Variants in IRF4 observed in about 807,000 individuals in gnomAD.
IRF4 encodes interferon regulatory factor 4, also known as lymphocyte-specific interferon regulatory factor.
A neutral mutation model predicts 55.5 loss-of-function variants in IRF4; 13 were observed. The observed-to-expected ratio is 0.23, with a 90% CI of 0.15 to 0.37. The LOEUF (loss-of-function observed/expected upper bound fraction) is 0.37. Ranked by LOEUF, IRF4 falls within the 10% of genes least tolerant of loss-of-function variation. The pLI is 1.00. For synonymous variants in IRF4, 249 were observed against 240.7 expected, an observed-to-expected ratio of 1.03 and a Z score of -0.32; for missense variants, 397 against 593.8, an observed-to-expected ratio of 0.67 and a Z score of 3.44.
At chr6:406,867 A>G (rs1286582316) in intron 8 of IRF4, 2 of 1,082,568 alleles carry the variant, frequency 1.8e-6, no homozygotes, top group Admixed American at 5.2e-5. Flanking sequence ...TAAATTCAGG[A>G]AAAGCTGAAC....
chr6:404,135 GAAGCTGTAGC>G lies in IRF4; in HGVS notation c.1100-882_1100-873del, dbSNP rs1761479976. Among the ~76,000 whole-genome samples the G allele has an allele frequency of 2.0e-5, 3 of 152,354 alleles. No individual in the cohort carries two copies. In the South Asian group the frequency reaches 6.2e-4, roughly 32 times the overall value. ...CTGATAAGGACGCGTCTGTTCTGCA[GAAGCTGTAGC>G]GGCTCCTGTGTCAACTCGTTTCTTT... On this transcript the variant is annotated intron_variant, in intron 7 of 8. Coordinates refer to ENST00000380956, the MANE Select transcript of IRF4 (RefSeq NM_002460.4).
In IRF4 at chr6:393,284, C is replaced by T; in HGVS notation, c.132C>T (p.Asn44=). The change falls in exon 2 of 9, where the codon AAC becomes AAT. Residue 44 remains asparagine (N), a synonymous_variant. Coordinates refer to ENST00000380956, the MANE Select transcript of IRF4 (RefSeq NM_002460.4). The surrounding 1 kb of genome is among the most constrained non-coding windows in gnomAD (Gnocchi z 5.4). ...SGKYPGLVWE[N]EEKSIFRIPW... ...AGTACCCCGGGCTGGTGTGGGAGAACGAGGAGAAGAGCATCTTCCGCATCC... is the reference window on the plus strand; with the variant it reads ...AGTACCCCGGGCTGGTGTGGGAGAATGAGGAGAAGAGCATCTTCCGCATCC... 1 of 1,606,038 alleles carries T rather than the reference C, an allele frequency of 6.2e-7. No individual in the cohort carries two copies. Among genetic ancestry groups the T allele is most frequent in the Non-Finnish European group, 8.5e-7 (1 of 1,176,616 alleles).
At chr6:394,187 C>T (rs1459968992) in intron 2 of IRF4, among the ~76,000 whole-genome samples, 1 of 152,216 alleles carries the variant, frequency 6.6e-6, no homozygotes, top group East Asian at 1.9e-4. Context: ...CCAGATGTCT[C>T]CTGTGGGTGA....
In IRF4 at chr6:410,737, C is replaced by T; in HGVS notation, c.*3139C>T. The stretch of plus-strand genomic sequence containing the variant: ...GTGTAAACTTCCGTTCATTGCTCTC[C>T]AGTCACATGCCCCCACTTCCCCACA... On this transcript the variant is annotated 3_prime_UTR_variant, in exon 9 of 9. Coordinates refer to ENST00000380956, the MANE Select transcript of IRF4 (RefSeq NM_002460.4). 1 of 231,758 alleles carries T rather than the reference C, an allele frequency of 4.3e-6. No homozygotes were observed. The highest frequency in any genetic ancestry group is 1.8e-4 in the South Asian group (1 of 5,512). 14.4% of individuals were successfully genotyped at this position (231,758 alleles called of 1,614,324 possible).
At chr6:403,474 C>T (rs1425161724) in intron 7 of IRF4, among the ~76,000 whole-genome samples, 5 of 152,184 alleles carry the variant, frequency 3.3e-5, no homozygotes, top group Admixed American at 1.3e-4. Context: ...TCTTGCTGGG[C>T]GTTTTTAGGG....
intron 7 of IRF4, among the ~76,000 whole-genome samples, chr6:404,121 G>T (rs1005757379): frequency 6.6e-6 from 1 of 152,192 alleles, no homozygotes; most frequent in Admixed American, 6.5e-5. Flanking sequence ...TGATAAGGAC[G>T]CGTCTGTTCT....
intron 6 of IRF4, among the ~76,000 whole-genome samples, chr6:400,091 G>A (rs569028723): frequency 4.2e-4 from 64 of 152,208 alleles, no homozygotes; most frequent in Middle Eastern, 3.4e-3. Flanking sequence ...TCTTTGGGGC[G>A]CACTGTCTGA....
chr6:409,982 T>C lies in IRF4; in HGVS notation c.*2384T>C. 1 of 229,134 alleles carries C rather than the reference T, an allele frequency of 4.4e-6. No homozygotes were observed. Among genetic ancestry groups the C allele is most frequent in the Non-Finnish European group, 8.7e-6 (1 of 115,422 alleles). The allele number at this position is 229,134 out of a possible 1,614,324, so 14.2% of individuals were successfully genotyped here. On this transcript the variant is annotated 3_prime_UTR_variant, in exon 9 of 9. Transcript: ENST00000380956. ...CTACCTCCTTTCCTATCTTTACATCTATGTGTATGTTGACTTTTTAAAATT... is the reference window on the plus strand; with the variant it reads ...CTACCTCCTTTCCTATCTTTACATCCATGTGTATGTTGACTTTTTAAAATT...
intron 5 of IRF4, 120 bp downstream of exon 5, chr6:397,372 T>C (rs1581224714): frequency 1.6e-6 from 2 of 1,228,770 alleles, no homozygotes; most frequent in Admixed American, 4.6e-5. Context: ...AGAGGCTGCG[T>C]GTGCAGCTCG....
At chr6:405,173 T>A in intron 8 of IRF4, 43 bp downstream of exon 8, 1 of 1,060,400 alleles carries the variant, frequency 9.4e-7, no homozygotes, top group Non-Finnish European at 1.5e-6. Flanking sequence ...CTTCCTGTTC[T>A]TTGTAAAGGC....
At chr6:392,444 C>T (rs1441733700) in intron 1 of IRF4, among the ~76,000 whole-genome samples, 3 of 152,216 alleles carry the variant, frequency 2.0e-5, no homozygotes, top group Non-Finnish European at 1.5e-5. Context: ...CCGGCGGACG[C>T]TCTGCGCGCG....
chr6:395,176 A>G (rs1446559378), intron 3 of IRF4, among the ~76,000 whole-genome samples, 169 bp downstream of exon 3: 1 of 151,304 alleles, frequency 6.6e-6, no homozygotes. Context: ...GTGGGTCACA[A>G]GTTGAAATTC....
At position 407,600 on chromosome 6, in the gene IRF4, A is replaced by G; in HGVS notation, c.*2A>G. 1 of 1,593,982 alleles carries G rather than the reference A, an allele frequency of 6.3e-7. No homozygotes were observed. On this transcript the variant is annotated 3_prime_UTR_variant, in exon 9 of 9. Coordinates refer to ENST00000380956, the MANE Select transcript of IRF4 (RefSeq NM_002460.4). ...CGCCATTCCTCTATTCAAGAATGAA[A>G]AATGTCAAGATGAGTGGTTTTCTTT... is the stretch of plus-strand genomic sequence containing the variant.
At position 403,021 on chromosome 6, in the gene IRF4, G is replaced by A. The variant is rs537219741; in HGVS notation, c.1099+1244G>A. On this transcript the variant is annotated intron_variant, in intron 7 of 8. Transcript: ENST00000380956. ...GGTGCTGCAGTTTGCAGGACAGAGCGAGACTCCATTGCCCCCCGCACCACA... is the reference window on the plus strand; with the variant it reads ...GGTGCTGCAGTTTGCAGGACAGAGCAAGACTCCATTGCCCCCCGCACCACA... Among the ~76,000 whole-genome samples, 48 of 152,292 alleles carry A rather than the reference G, an allele frequency of 3.2e-4. 2 individuals are homozygous for A. Among genetic ancestry groups the A allele is most frequent in the Admixed American group, 2.7e-3 (41 of 15,298 alleles).
chr6:397,249 A>G lies in IRF4; in HGVS notation c.634A>G (p.Asn212Asp). The G allele has an allele frequency of 6.2e-7, 1 of 1,614,238 alleles. No individual in the cohort carries two copies. Among genetic ancestry groups the G allele is most frequent in the Non-Finnish European group, 8.5e-7 (1 of 1,180,038 alleles). The change falls in exon 5 of 9, where the codon AAT becomes GAT. Residue 212 changes from asparagine to aspartate, a missense_variant. Around this residue, in one of 3 missense-constraint regions of IRF4, gnomAD observed 341 missense variants for 548.1 expected, o/e 0.62. Transcript: ENST00000380956. ...GHHWQGPACENGCQVTGTFYA... is the reference protein window; with the variant it reads ...GHHWQGPACEDGCQVTGTFYA... ...CCACTGGCAAGGCCCAGCTTGTGAA[A>G]ATGGTAAGGAGGATACCAGTGCAGG...
rs971524409 is a variant in IRF4, at chr6:393,462, G to T, written c.216+94G>T. On this transcript the variant is annotated intron_variant, in intron 2 of 8. Coordinates refer to ENST00000380956, the MANE Select transcript of IRF4 (RefSeq NM_002460.4). The surrounding 1 kb of genome is among the most constrained non-coding windows in gnomAD (Gnocchi z 5.4). Reference sequence around the variant, plus strand: ...CGCCGCCTCCGAGGCGAGCCCAGGGGACCGCGCGGGGCGGACGGGCGGGCG... The same window carrying T: ...CGCCGCCTCCGAGGCGAGCCCAGGGTACCGCGCGGGGCGGACGGGCGGGCG... 3 of 926,854 alleles carry T rather than the reference G, an allele frequency of 3.2e-6. No individual in the cohort carries two copies. Among genetic ancestry groups the T allele is most frequent in the South Asian group, 3.3e-5 (1 of 29,944 alleles). The allele number at this position is 926,854 out of a possible 1,614,324, so 57.4% of individuals were successfully genotyped here.
At position 409,723 on chromosome 6, in the gene IRF4, T is replaced by G. The variant is rs1055436434; in HGVS notation, c.*2125T>G. On this transcript the variant is annotated 3_prime_UTR_variant, in exon 9 of 9. Coordinates refer to ENST00000380956, the MANE Select transcript of IRF4 (RefSeq NM_002460.4). ...AGATAAAGATGATATTAAGAACTGC[T>G]GTTTCACGGGGCCCTTACCTGTGAC... The G allele has an allele frequency of 4.4e-6, 1 of 227,490 alleles. No homozygotes were observed. The highest frequency in any genetic ancestry group is 8.7e-6 in the Non-Finnish European group (1 of 114,426). The allele number at this position is 227,490 out of a possible 1,614,324, so 14.1% of individuals were successfully genotyped here.
intron 5 of IRF4, 34 bp downstream of exon 5, chr6:397,286 C>A: frequency 6.2e-7 from 1 of 1,611,592 alleles, no homozygotes; most frequent in Non-Finnish European, 8.5e-7. Flanking sequence ...AATAGAAGAG[C>A]TAATTGCTAA....
chr6:408,780 A>G lies in IRF4; in HGVS notation c.*1182A>G. 4.3e-6 allele frequency: 1 copy of G among 233,248 alleles called. No homozygotes were observed. Among genetic ancestry groups the G allele is most frequent in the East Asian group, 6.0e-5 (1 of 16,750 alleles). 14.4% of individuals were successfully genotyped at this position (233,248 alleles called of 1,614,324 possible). ...GACTCCCAGGCTGGAGAGCACTGCC[A>G]GGACCCACCACTGGAAGCAGGATGG... On this transcript the variant is annotated 3_prime_UTR_variant, in exon 9 of 9. Transcript: ENST00000380956.
Sources: allele counts gnomAD v4.1 joint callset (sites outside exome capture counted in the v4.1 genomes callset), GRCh38; gene constraint gnomAD v4.1.1; regional missense constraint gnomAD v4.1.1; non-coding constraint Gnocchi (gnomAD v3.1); transcripts MANE v1.5; gene names NCBI Gene and HGNC (gene_info 2026-07-23, HGNC 2026-07-21).